Variants in COL3A1 observed in about 807,000 individuals in gnomAD.
The protein encoded by COL3A1 is collagen type III alpha 1 chain.
A neutral mutation model predicts 200.9 loss-of-function variants in COL3A1; 46 were observed. The observed-to-expected ratio is 0.23, with a 90% CI of 0.18 to 0.29. The LOEUF (loss-of-function observed/expected upper bound fraction) is 0.29. Ranked by LOEUF, COL3A1 falls within the 10% of genes least tolerant of loss-of-function variation. COL3A1 has a pLI of 1.00. For missense variants in COL3A1, 1,367 were observed against 1,917.6 expected (o/e 0.71, Z 5.36); for synonymous variants, 650 against 628.0 (o/e 1.03, Z -0.52).
intron 45 of COL3A1, 114 bp from the exon 46 acceptor site, chr2:189,007,771 A>G: frequency 7.1e-7 from 1 of 1,399,830 alleles, no homozygotes; most frequent in Non-Finnish European, 1.0e-6. Context: ...GGAAGATTAA[A>G]GAAAGAAAAA....
At chr2:188,993,070 C>A in intron 15 of COL3A1, 130 bp downstream of exon 15, 1 of 845,298 alleles carries the variant, frequency 1.2e-6, no homozygotes, top group Non-Finnish European at 2.0e-6. Context: ...GTCTTTAAAG[C>A]CCTATTCTTG....
At chr2:188,985,142 T>G (rs528235986) in intron 2 of COL3A1, 55 bp from the exon 3 acceptor site, 2 of 1,551,720 alleles carry the variant, frequency 1.3e-6, no homozygotes, top group South Asian at 2.2e-5. Flanking sequence ...TCTGGGTTAC[T>G]AAATAATATG....
chr2:188,991,852 G>T lies in COL3A1; in HGVS notation c.951+130G>T. ...CTACAAAATTATACTCAATGATACT[G>T]TGATAAAGTTTTGGCTATAGTTAAA... On this transcript the variant is annotated intron_variant, in intron 13 of 50. Coordinates refer to ENST00000304636, the MANE Select transcript of COL3A1 (RefSeq NM_000090.4). 3.3e-6 allele frequency: 3 copies of T among 912,148 alleles called. No individual in the cohort carries two copies. In the East Asian group the frequency reaches 7.3e-5, roughly 22 times the overall value. 56.5% of individuals were successfully genotyped at this position (912,148 alleles called of 1,614,324 possible). A position where few individuals can be genotyped will look rare whatever the true frequency, so the allele number is the denominator to read the frequency against.
intron 50 of COL3A1, 143 bp downstream of exon 50, chr2:189,011,033 T>C: frequency 9.2e-7 from 1 of 1,089,364 alleles, no homozygotes; most frequent in South Asian, 1.4e-5. Flanking sequence ...TTGCATCTAC[T>C]GATTCATTGC....
chr2:189,002,624 T>G (rs1444906321), intron 35 of COL3A1, among the ~76,000 whole-genome samples: 3 of 152,208 alleles, frequency 2.0e-5, no homozygotes, highest in African/African-American at 4.8e-5. Context: ...AATTCTTCCA[T>G]TATAAGATGG....
chr2:188,995,458 T>G (rs1034784709), intron 21 of COL3A1, among the ~76,000 whole-genome samples: 2 of 152,246 alleles, frequency 1.3e-5, no homozygotes, highest in African/African-American at 4.8e-5. Context: ...AATTATATTT[T>G]TAAGCACAGT....
chr2:188,999,643 C>G, intron 31 of COL3A1, 66 bp downstream of exon 31: 1 of 1,521,700 alleles, frequency 6.6e-7, no homozygotes, highest in Non-Finnish European at 9.1e-7. Context: ...AAAAGCAACA[C>G]TCCTGGAAAG....
intron 4 of COL3A1, among the ~76,000 whole-genome samples, chr2:188,986,570 A>G (rs568362811): frequency 6.6e-6 from 1 of 152,102 alleles, no homozygotes; most frequent in Admixed American, 6.6e-5. Context: ...TTCTATGGAG[A>G]TGTTTATTTT....
rs149897616 is a variant in COL3A1, at chr2:188,991,966, A to T, written c.952-218A>T. 4.5e-3 allele frequency among the ~76,000 whole-genome samples: 687 copies of T among 152,310 alleles called. 4 individuals are homozygous for T. The highest frequency in any genetic ancestry group is 0.016 in the African/African-American group (654 of 41,558). ...ATGTCATTTGAGCCATTATATCTGCATTCAGTCCTGAAAACACAGACTCCA... is the reference window on the plus strand; with the variant it reads ...ATGTCATTTGAGCCATTATATCTGCTTTCAGTCCTGAAAACACAGACTCCA... On this transcript the variant is annotated intron_variant, in intron 13 of 50. Transcript: ENST00000304636.
At position 188,994,871 on chromosome 2, in the gene COL3A1, A is replaced by C. The variant is rs1342919610; in HGVS notation, c.1455+40A>C. ...GGGCATCTAAAAGAAAAGCAGCATC[A>C]CTGTCATCTAAATAAAACTACCTTC... On this transcript the variant is annotated intron_variant, in intron 20 of 50. Transcript: ENST00000304636. The surrounding 1 kb of genome is among the most constrained non-coding windows in gnomAD (Gnocchi z 4.5). 1 of 1,605,010 alleles carries C rather than the reference A, an allele frequency of 6.2e-7. No homozygotes were observed. Among genetic ancestry groups the C allele is most frequent in the Non-Finnish European group, 8.5e-7 (1 of 1,172,972 alleles).
intron 1 of COL3A1, among the ~76,000 whole-genome samples, chr2:188,983,221 T>G (rs1283680318): frequency 6.6e-6 from 1 of 151,932 alleles, no homozygotes; most frequent in Non-Finnish European, 1.5e-5. Flanking sequence ...AACAAATTAT[T>G]TGCCTACTTA....
In COL3A1 at chr2:188,994,642, A is replaced by G. The variant is rs911616625; in HGVS notation, c.1347+48A>G. ...TGGTTATTTCTTGAAAAAATGCAAC[A>G]TAATTAGAAAGTAAACAGGTAAAAA... On this transcript the variant is annotated intron_variant, in intron 19 of 50. Transcript: ENST00000304636. This position sits in a 1 kb window ranked among gnomAD's most constrained non-coding sequence, Gnocchi z 4.5. 8 of 1,613,428 alleles carry G rather than the reference A, an allele frequency of 5.0e-6. No individual in the cohort carries two copies. The Admixed American group carries it at 1.0e-4, about 20-fold the overall frequency.
At chr2:188,985,820 A>C in intron 4 of COL3A1, 42 bp downstream of exon 4, 2 of 1,261,598 alleles carry the variant, frequency 1.6e-6, no homozygotes, top group Non-Finnish European at 2.3e-6. Flanking sequence ...TCATAAAACT[A>C]TCTAGTTCAT....
chr2:188,999,643 C>T, intron 31 of COL3A1, 66 bp downstream of exon 31: 2 of 1,521,700 alleles, frequency 1.3e-6, no homozygotes, highest in Non-Finnish European at 1.8e-6. Context: ...AAAAGCAACA[C>T]TCCTGGAAAG....
Position 188,996,303 on chromosome 2 carries a change from T to C in COL3A1, c.1663-95T>C, listed in dbSNP as rs878983852. ...ATATATGTATATGTATATCTATATA[T>C]ATACACACACACACACACACACACA... is the stretch of plus-strand genomic sequence containing the variant. On this transcript the variant is annotated intron_variant, in intron 23 of 50. Transcript: ENST00000304636. 4,589 of 775,606 alleles carry C rather than the reference T, an allele frequency of 5.9e-3. 24 individuals are homozygous for C. The highest frequency in any genetic ancestry group is 7.4e-3 in the Non-Finnish European group (3,555 of 481,810). The allele number at this position is 775,606 out of a possible 1,614,324, so 48.0% of individuals were successfully genotyped here.
chr2:189,011,519 G>A, intron 50 of COL3A1, 109 bp from the exon 51 acceptor site: 1 of 1,241,504 alleles, frequency 8.1e-7, no homozygotes, highest in South Asian at 1.2e-5. Context: ...TAATAACATG[G>A]CACGATGAAT....
At chr2:188,996,856 G>A (rs1301116083) in intron 24 of COL3A1, among the ~76,000 whole-genome samples, 6 of 152,042 alleles carry the variant, frequency 3.9e-5, no homozygotes. Flanking sequence ...AGGCATGGTG[G>A]CATGTGCCTG....
chr2:189,001,548 G>A lies in COL3A1; in HGVS notation c.2350G>A (p.Ala784Thr). ...TCTCTTTTTCCAGGGTGAAGGTGGTGCCCCCGGACTTCCAGGTATAGCTGG... is the reference window on the plus strand; with the variant it reads ...TCTCTTTTTCCAGGGTGAAGGTGGTACCCCCGGACTTCCAGGTATAGCTGG... ...GQPGDKGEGG[A>T]PGLPGIAGPR... The change falls in exon 34 of 51, where the codon GCC (alanine) becomes ACC (threonine). Residue 784 changes from alanine to threonine, a missense_variant. This residue lies in a region of COL3A1 where 846 missense variants were observed against 1,147.9 expected (regional missense o/e 0.74). Transcript: ENST00000304636. 6.2e-7 allele frequency: 1 copy of A among 1,614,066 alleles called. No individual in the cohort carries two copies. Among genetic ancestry groups the A allele is most frequent in the Non-Finnish European group, 8.5e-7 (1 of 1,179,986 alleles).
chr2:189,004,394 T>C (rs761193401), intron 40 of COL3A1, 30 bp downstream of exon 40: 1 of 1,548,224 alleles, frequency 6.5e-7, no homozygotes, highest in Admixed American at 1.9e-5. Flanking sequence ...ACTACACTCT[T>C]CCTTCCTTTG....
Sources: allele counts gnomAD v4.1 joint callset (sites outside exome capture counted in the v4.1 genomes callset), GRCh38; gene constraint gnomAD v4.1.1; regional missense constraint gnomAD v4.1.1; non-coding constraint Gnocchi (gnomAD v3.1); transcripts MANE v1.5; gene names NCBI Gene and HGNC (gene_info 2026-07-23, HGNC 2026-07-21).